The following MLST8 variants were observed in gnomAD, a reference collection of about 807,000 sequenced individuals.
The protein encoded by MLST8 is MTOR associated protein MLST8.
In MLST8, 20 loss-of-function variants were observed where a neutral mutation model predicts 41.3. The ratio of observed to expected loss-of-function variants is 0.48; its 90% CI spans 0.34 to 0.70. The LOEUF (loss-of-function observed/expected upper bound fraction) is 0.70, where lower values mean the gene tolerates loss of function less well. MLST8 is among the 30% of genes least tolerant of loss of function. The pLI is 0.01. For synonymous variants in MLST8, 243 were observed against 183.0 expected (o/e 1.33, Z -2.65); for missense variants, 422 against 454.3 (o/e 0.93, Z 0.65).
chr16:2,208,971 G>C lies in MLST8; in HGVS notation c.*94G>C. 2 of 1,396,854 alleles carry C rather than the reference G, an allele frequency of 1.4e-6. No homozygotes were observed. Among genetic ancestry groups the C allele is most frequent in the Non-Finnish European group, 2.0e-6 (2 of 1,002,946 alleles). 86.5% of individuals were successfully genotyped at this position (1,396,854 alleles called of 1,614,324 possible). A position where few individuals can be genotyped will look rare whatever the true frequency, so the allele number is the denominator to read the frequency against. ...AGAGCAGACCCTCCCCTGCCGGCCTGCGCCAGCTGGACCTGATGGCCCCCT... is the reference window on the plus strand; with the variant it reads ...AGAGCAGACCCTCCCCTGCCGGCCTCCGCCAGCTGGACCTGATGGCCCCCT... On this transcript the variant is annotated 3_prime_UTR_variant, in exon 9 of 9. Transcript: ENST00000569417.
chr16:2,206,255 T>A, intron 2 of MLST8, 41 bp downstream of exon 2: 5 of 1,599,868 alleles, frequency 3.1e-6, no homozygotes, highest in Non-Finnish European at 4.3e-6. Flanking sequence ...GCTGGGGGGA[T>A]GCCTCGTGTG....
rs192860278 is a variant in MLST8 at position 2,209,451 on chromosome 16, G to A, written c.*574G>A. ...CAGAGATAAATCAGCCGCTGTCTCC[G>A]GGGCCCTGTGGCGAGGGTGCCGTGA... On this transcript the variant is annotated 3_prime_UTR_variant, in exon 9 of 9. Transcript: ENST00000569417. 5.1e-5 allele frequency: 83 copies of A among 1,613,502 alleles called. No individual in the cohort carries two copies. Among genetic ancestry groups the A allele is most frequent in the South Asian group, 4.1e-4 (37 of 91,094 alleles).
Position 2,209,160 on chromosome 16 carries a change from C to G in MLST8, c.*283C>G, listed in dbSNP as rs1333743956. 3.5e-5 allele frequency: 23 copies of G among 651,302 alleles called. No homozygotes were observed. Among genetic ancestry groups the G allele is most frequent in the Non-Finnish European group, 5.5e-5 (21 of 382,186 alleles). The allele number at this position is 651,302 out of a possible 1,614,324, so 40.3% of individuals were successfully genotyped here. A position where few individuals can be genotyped will look rare whatever the true frequency, so the allele number is the denominator to read the frequency against. On this transcript the variant is annotated 3_prime_UTR_variant, in exon 9 of 9. Coordinates refer to ENST00000569417, the MANE Select transcript of MLST8 (RefSeq NM_022372.6). Reference sequence around the variant, plus strand: ...CGAGGGCCCAAAGCTGCTGAGGGGTCTGAGGCTGGTGCCCACCCCCAAGCT... The same window carrying G: ...CGAGGGCCCAAAGCTGCTGAGGGGTGTGAGGCTGGTGCCCACCCCCAAGCT...
chr16:2,206,582 G>A lies in MLST8; in HGVS notation c.267G>A (p.Ala89=). The part of the protein sequence containing the change: ...ISYDGVNKNI[A]SVGFHEDGRW... ...ACGACGGCGTCAACAAGAACATCGC[G>A]TCTGTGGGCTTCCACGAAGACGGCC... The change falls in exon 4 of 9, where the codon GCG becomes GCA. Residue 89 remains alanine, a synonymous_variant. Coordinates refer to ENST00000569417, the MANE Select transcript of MLST8 (RefSeq NM_022372.6). 1.9e-6 allele frequency: 3 copies of A among 1,614,048 alleles called. 1 individual carries two copies. The South Asian group carries it at 3.3e-5, about 18-fold the overall frequency.
At position 2,205,962 on chromosome 16, in the gene MLST8, C is replaced by T. The variant is rs1213464541; in HGVS notation, c.-55-69C>T. 16 of 1,461,982 alleles carry T rather than the reference C, an allele frequency of 1.1e-5. No individual in the cohort carries two copies. The South Asian group carries it at 1.3e-4, about 12-fold the overall frequency. The allele number at this position is 1,461,982 out of a possible 1,614,324, so 90.6% of individuals were successfully genotyped here. On this transcript the variant is annotated intron_variant, in intron 1 of 8. Coordinates refer to ENST00000569417, the MANE Select transcript of MLST8 (RefSeq NM_022372.6). Reference sequence around the variant, plus strand: ...GGGAATGATAAGCGCCATTCGGCAGCGCCTTGTGGGTCTATAATCTACTTA... The same window carrying T: ...GGGAATGATAAGCGCCATTCGGCAGTGCCTTGTGGGTCTATAATCTACTTA...
chr16:2,205,641 C>A, intron 1 of MLST8, 129 bp downstream of exon 1: 1 of 980,722 alleles, frequency 1.0e-6, no homozygotes, highest in African/African-American at 1.7e-5. Flanking sequence ...GGGGGTCCAG[C>A]CAGACTGCGC....
rs372215737 is a variant in MLST8 at position 2,206,040 on chromosome 16, C to T, written c.-46C>T. 65 of 1,511,120 alleles carry T rather than the reference C, an allele frequency of 4.3e-5. No homozygotes were observed. The highest frequency in any genetic ancestry group is 2.9e-4 in the African/African-American group (21 of 72,242). The allele number at this position is 1,511,120 out of a possible 1,614,324, so 93.6% of individuals were successfully genotyped here. A position where few individuals can be genotyped will look rare whatever the true frequency, so the allele number is the denominator to read the frequency against. On this transcript the variant is annotated 5_prime_UTR_variant, in exon 2 of 9. Coordinates refer to ENST00000569417, the MANE Select transcript of MLST8 (RefSeq NM_022372.6). ...ACATCCTTCTCTGCAGATGCTCTGA[C>T]CTTTGACCCCTGCCGTTCAGCTCTA... is the stretch of plus-strand genomic sequence containing the variant.
In MLST8 at chr16:2,207,201, C is replaced by T; in HGVS notation, c.429C>T (p.Leu143=). 1 of 1,614,032 alleles carries T rather than the reference C, an allele frequency of 6.2e-7. No homozygotes were observed. Among genetic ancestry groups the T allele is most frequent in the Non-Finnish European group, 8.5e-7 (1 of 1,179,932 alleles). ...CCACCCCTGCACCCCAGGCAGAGCT[C>T]ATCGTGGGTGACCAGAGCGGGGCTA... ...CVCLHPNQAE[L]IVGDQSGAIH... is the part of the protein sequence containing the mutation. The change falls in exon 6 of 9, where the codon CTC becomes CTT. Residue 143 remains leucine (L), a synonymous_variant. Transcript: ENST00000569417.
rs750725205 is a variant in MLST8, at chr16:2,206,443, C to G, written c.181+34C>G. 4 of 1,613,952 alleles carry G rather than the reference C, an allele frequency of 2.5e-6. No individual in the cohort carries two copies. In the East Asian group the frequency reaches 6.7e-5, roughly 27 times the overall value. Reference sequence around the variant, plus strand: ...GATCCTTGATCTCTAAACTCCTGAGCTCTGGTGGGTCGACCTCAGCACAGC... The same window carrying G: ...GATCCTTGATCTCTAAACTCCTGAGGTCTGGTGGGTCGACCTCAGCACAGC... On this transcript the variant is annotated intron_variant, in intron 3 of 8. Coordinates refer to ENST00000569417, the MANE Select transcript of MLST8 (RefSeq NM_022372.6).
chr16:2,205,965 C>T (rs531477020), intron 1 of MLST8, 66 bp from the exon 2 acceptor site: 5 of 1,471,028 alleles, frequency 3.4e-6, no homozygotes, highest in African/African-American at 1.4e-5. Context: ...TCGGCAGCGC[C>T]TTGTGGGTCT....
chr16:2,207,013 T>C (rs538999486), intron 4 of MLST8, 22 bp from the exon 5 acceptor site: 1 of 1,612,088 alleles, frequency 6.2e-7, no homozygotes, highest in South Asian at 1.1e-5. Flanking sequence ...ATGGACAGCA[T>C]GTGCCCCGGC....
Position 2,206,511 on chromosome 16 carries a change from C to T in MLST8, c.196C>T (p.Arg66Cys). ...TGTGTCCCTAGGTTACCAGCACATC[C>T]GCATGTATGATCTCAACTCCAATAA... The part of the protein sequence containing the change: ...MIAAAGYQHI[R>C]MYDLNSNNPN... Residue 66 changes from arginine (R) to cysteine (C), a missense_variant, in exon 4 of 9, where the codon CGC (arginine) becomes TGC (cysteine). Coordinates refer to ENST00000569417, the MANE Select transcript of MLST8 (RefSeq NM_022372.6). 2 of 1,611,308 alleles carry T rather than the reference C, an allele frequency of 1.2e-6. No individual in the cohort carries two copies. Among genetic ancestry groups the T allele is most frequent in the Non-Finnish European group, 1.7e-6 (2 of 1,177,632 alleles).
rs2093267676 is a variant in MLST8, at chr16:2,205,695, G to GC, written c.-56+185dup. Reference sequence around the variant, plus strand: ...GCCGCTGGCCTGCTACGCATGCGCAGCCGCAGCGCTCGGCTTTCCCCGGCC... The same window carrying GC: ...GCCGCTGGCCTGCTACGCATGCGCAGCCCGCAGCGCTCGGCTTTCCCCGGCC... On this transcript the variant is annotated intron_variant, in intron 1 of 8. Transcript: ENST00000569417. The GC allele has an allele frequency of 9.1e-6, 9 of 994,088 alleles. No homozygotes were observed. The Middle Eastern group carries it at 1.5e-3, about 170-fold the overall frequency. The allele number at this position is 994,088 out of a possible 1,614,324, so 61.6% of individuals were successfully genotyped here. A position where few individuals can be genotyped will look rare whatever the true frequency, so the allele number is the denominator to read the frequency against.
chr16:2,206,255 TGCCTCGTGTGGGGACCACA>T (rs1567273706), intron 2 of MLST8, 41 bp downstream of exon 2: 4 of 1,599,868 alleles, frequency 2.5e-6, no homozygotes. Context: ...GCTGGGGGGA[TGCCTCGTGTGGGGACCACA>T]GCCTGTGTGA....
chr16:2,207,030 C>G lies in MLST8; in HGVS notation c.345-5C>G. On this transcript the variant is annotated splice_polypyrimidine_tract_variant and splice_region_variant and intron_variant, in intron 4 of 8. Transcript: ENST00000569417. ...GGACAGCATGTGCCCCGGCCCGGCC[C>G]GCAGGTCCCGGAACCTGCAGTGCCA... The G allele has an allele frequency of 6.2e-7, 1 of 1,613,006 alleles. No homozygotes were observed.
rs2093309927 is a variant in MLST8 at position 2,207,280 on chromosome 16, G to A, written c.508G>A (p.Glu170Lys). Residue 170 changes from glutamate to lysine, a missense_variant, in exon 6 of 9, where the codon GAG becomes AAG. Transcript: ENST00000569417. The stretch of plus-strand genomic sequence containing the variant: ...CAACGAGCAGCTGATCCCTGAGCCC[G>A]AGGTCTCCATCACGTCCGCCCACAT... ...DHNEQLIPEP[E>K]VSITSAHIDP... 3 of 1,614,186 alleles carry A rather than the reference G, an allele frequency of 1.9e-6. No individual in the cohort carries two copies. The highest frequency in any genetic ancestry group is 2.5e-6 in the Non-Finnish European group (3 of 1,180,020).
Position 2,209,210 on chromosome 16 carries a change from C to CCACTCA in MLST8, c.*334_*335insACTCAC. 2 of 753,896 alleles carry CCACTCA rather than the reference C, an allele frequency of 2.7e-6. No homozygotes were observed. Among genetic ancestry groups the CCACTCA allele is most frequent in the Non-Finnish European group, 4.3e-6 (2 of 470,052 alleles). 46.7% of individuals were successfully genotyped at this position (753,896 alleles called of 1,614,324 possible). A position where few individuals can be genotyped will look rare whatever the true frequency, so the allele number is the denominator to read the frequency against. On this transcript the variant is annotated 3_prime_UTR_variant, in exon 9 of 9. Coordinates refer to ENST00000569417, the MANE Select transcript of MLST8 (RefSeq NM_022372.6). ...TAGTGTGTTCTCTGCCCCTCCCTGC[C>CCACTCA]CGCGTTTCAGGGCCTCGGTCCATAG...
chr16:2,205,770 C>T (rs1340764420), intron 1 of MLST8: 2 of 1,045,090 alleles, frequency 1.9e-6, no homozygotes, highest in African/African-American at 1.7e-5. Flanking sequence ...AGAGTGGCGC[C>T]CGCGCGTGAC....
chr16:2,208,695 T>C, intron 8 of MLST8, 64 bp from the exon 9 acceptor site: 4 of 1,612,932 alleles, frequency 2.5e-6, no homozygotes, highest in Non-Finnish European at 3.4e-6. Context: ...CAGCTTCCCC[T>C]CTGCTGGGGC....
Sources: allele counts gnomAD v4.1 joint callset, GRCh38; gene constraint gnomAD v4.1.1; transcripts MANE v1.5; gene names NCBI Gene and HGNC (gene_info 2026-07-23, HGNC 2026-07-21).